Variants in FHIT observed in about 807,000 individuals in gnomAD.
The protein encoded by FHIT is fragile histidine triad diadenosine triphosphatase.
FHIT carries 19 observed loss-of-function variants against 17.9 expected under a neutral mutation model. That is an observed-to-expected ratio of 1.06 (90% CI 0.74 to 1.56). FHIT has a LOEUF of 1.56. FHIT is among the 40% of genes most tolerant of loss of function. The pLI is 0.00. For missense variants in FHIT, 248 were observed against 189.2 expected, an observed-to-expected ratio of 1.31 and a Z score of -1.82; for synonymous variants, 81 against 69.7, an observed-to-expected ratio of 1.16 and a Z score of -0.81.
chr3:61,108,077 ATT>A (rs1664498349), intron 2 of FHIT, among the ~76,000 whole-genome samples: 1 of 152,216 alleles, frequency 6.6e-6, no homozygotes, highest in Non-Finnish European at 1.5e-5. Context: ...GTGAGGTGAC[ATT>A]TTATTGTGAC....
chr3:61,231,246 T>C (rs1327147917), intron 1 of FHIT, among the ~76,000 whole-genome samples: 1 of 152,134 alleles, frequency 6.6e-6, no homozygotes, highest in Non-Finnish European at 1.5e-5. Context: ...TGAAACCCCA[T>C]TTTGGAAGGC....
chr3:59,925,709 G>C (rs1705626119), intron 7 of FHIT, among the ~76,000 whole-genome samples: 1 of 152,140 alleles, frequency 6.6e-6, no homozygotes, highest in Admixed American at 6.5e-5. Flanking sequence ...ATAGCTCACT[G>C]TACAGGTGGT....
chr3:60,037,364 C>T (rs1432772436), intron 5 of FHIT, among the ~76,000 whole-genome samples: 2 of 151,656 alleles, frequency 1.3e-5, no homozygotes, highest in South Asian at 2.1e-4. Flanking sequence ...ATTTAACCCA[C>T]TCAGCTTACT....
chr3:60,248,108 T>C (rs1705498101), intron 5 of FHIT, among the ~76,000 whole-genome samples: 1 of 152,124 alleles, frequency 6.6e-6, no homozygotes, highest in Non-Finnish European at 1.5e-5. Flanking sequence ...GCATTGCTCT[T>C]CATCTGCATT....
chr3:60,264,281 T>C (rs1046010356), intron 5 of FHIT, among the ~76,000 whole-genome samples: 1 of 151,888 alleles, frequency 6.6e-6, no homozygotes, highest in Non-Finnish European at 1.5e-5. Context: ...AGCAGCAAAG[T>C]CAAAACCATG....
chr3:60,278,186 T>C (rs116479615), intron 5 of FHIT, among the ~76,000 whole-genome samples: 3,533 of 152,246 alleles, frequency 0.023, 138 homozygotes, highest in African/African-American at 0.08. Context: ...GACTATACTT[T>C]TCTGAGTTTT....
chr3:60,860,774 C>CAT (rs1239559937), intron 3 of FHIT, among the ~76,000 whole-genome samples: 29,804 of 31,342 alleles, frequency 0.95, 14,617 homozygotes, highest in Middle Eastern at 1. Context: ...ACATATGTAT[C>CAT]ATATATCAGG....
intron 5 of FHIT, among the ~76,000 whole-genome samples, chr3:60,373,651 C>G (rs1700429240): frequency 6.6e-6 from 1 of 152,068 alleles, no homozygotes; most frequent in African/African-American, 2.4e-5. Flanking sequence ...GGGAGACCAG[C>G]AATTGTCCCC....
At chr3:60,098,799 C>G (rs1029554401) in intron 5 of FHIT, among the ~76,000 whole-genome samples, 3 of 152,034 alleles carry the variant, frequency 2.0e-5, no homozygotes, top group Non-Finnish European at 4.4e-5. Flanking sequence ...AATGTGTTAA[C>G]TGATTGTGTT....
At chr3:59,773,656 T>C (rs550062670) in intron 8 of FHIT, among the ~76,000 whole-genome samples, 140 of 152,312 alleles carry the variant, frequency 9.2e-4, no homozygotes, top group Middle Eastern at 6.8e-3. Context: ...GCCATCTTCC[T>C]GCACTTTCTT....
At chr3:60,157,485 A>AAAT (rs1163353683) in intron 5 of FHIT, among the ~76,000 whole-genome samples, 4 of 152,170 alleles carry the variant, frequency 2.6e-5, no homozygotes, top group Non-Finnish European at 5.9e-5. Flanking sequence ...TTCTGAAAAA[A>AAAT]AATAATAATA....
intron 5 of FHIT, among the ~76,000 whole-genome samples, chr3:60,094,079 A>G (rs888706743): frequency 6.6e-6 from 1 of 151,684 alleles, no homozygotes; most frequent in East Asian, 1.9e-4. Context: ...ACCAAAATTT[A>G]AAAAAAAATA....
At chr3:60,451,117 G>C (rs919826499) in intron 5 of FHIT, among the ~76,000 whole-genome samples, 1 of 151,970 alleles carries the variant, frequency 6.6e-6, no homozygotes, top group African/African-American at 2.4e-5. Flanking sequence ...CTAATGAAAA[G>C]CCCAATATGT....
intron 5 of FHIT, among the ~76,000 whole-genome samples, chr3:60,413,709 G>C (rs760248994): frequency 2.0e-5 from 3 of 151,868 alleles, no homozygotes; most frequent in East Asian, 1.9e-4. Context: ...CTTTTAAACT[G>C]CTTACAAATT....
chr3:60,590,023 C>G (rs1553663589), intron 4 of FHIT, among the ~76,000 whole-genome samples: 6 of 152,050 alleles, frequency 3.9e-5, no homozygotes. Context: ...CAAGAGAGGA[C>G]ACATCTACAA....
At chr3:60,183,237 A>C (rs1401063012) in intron 5 of FHIT, among the ~76,000 whole-genome samples, 1 of 152,006 alleles carries the variant, frequency 6.6e-6, no homozygotes, top group African/African-American at 2.4e-5. Flanking sequence ...ATCTCTACTA[A>C]AAATACAAAA....
intron 5 of FHIT, among the ~76,000 whole-genome samples, chr3:60,390,425 A>C (rs1559876235): frequency 0.07 from 309 of 4,402 alleles, 107 homozygotes; most frequent in South Asian, 0.15. Flanking sequence ...AAAAAAAAAA[A>C]AAACCCGTAC....
At chr3:60,073,230 G>A (rs1311678865) in intron 5 of FHIT, among the ~76,000 whole-genome samples, 1 of 152,140 alleles carries the variant, frequency 6.6e-6, no homozygotes, top group Non-Finnish European at 1.5e-5. Context: ...ATATTAAGTA[G>A]TAGAGATGGT....
intron 5 of FHIT, among the ~76,000 whole-genome samples, chr3:60,068,198 G>A (rs1428891056): frequency 2.6e-5 from 4 of 152,078 alleles, no homozygotes; most frequent in Non-Finnish European, 4.4e-5. Flanking sequence ...TCGCACCACT[G>A]CACTCCAGCC....
Sources: allele counts gnomAD v4.1 joint callset (sites outside exome capture counted in the v4.1 genomes callset), GRCh38; gene constraint gnomAD v4.1.1; transcripts MANE v1.5; gene names NCBI Gene and HGNC (gene_info 2026-07-23, HGNC 2026-07-21).